XYLB: variants seen among roughly 807,000 people sequenced by gnomAD.
XYLB encodes xylulose kinase.
Under a neutral mutation model 78.7 loss-of-function variants are expected in XYLB, and 62 were observed. The observed-to-expected ratio is 0.79, with a 90% CI of 0.64 to 0.97. The LOEUF (loss-of-function observed/expected upper bound fraction) is 0.97, where lower values mean the gene tolerates loss of function less well. Ranked by LOEUF, XYLB falls within the 50% of genes least tolerant of loss-of-function variation. The pLI is 0.00. For synonymous variants in XYLB, 245 were observed against 247.4 expected, an observed-to-expected ratio of 0.99 and a Z score of 0.09; for missense variants, 687 against 676.8, an observed-to-expected ratio of 1.02 and a Z score of -0.17.
the XYLB span, among the ~76,000 whole-genome samples, chr3:38,447,460 C>T: frequency 1.3e-4 from 18 of 143,840 alleles, no homozygotes; most frequent in Non-Finnish European, 2.1e-4. Flanking sequence ...TGCACCACCA[C>T]ATCTGGCTAA....
downstream of XYLB, among the ~76,000 whole-genome samples, chr3:38,416,054 A>T (rs1708781544): frequency 1.3e-5 from 2 of 152,194 alleles, no homozygotes; most frequent in African/African-American, 4.8e-5. Flanking sequence ...CCCATGATCC[A>T]GTCACCTCTC....
rs28444308 is a variant in XYLB, at chr3:38,375,394, A to T, written c.1004+135A>T. On this transcript the variant is annotated intron_variant, in intron 12 of 18. Coordinates refer to ENST00000207870, the MANE Select transcript of XYLB (RefSeq NM_005108.4). ...CCACTTTCCCGGGCTCTGCTGGGCAACTGAGACCCCCAAGGACTCACCAGC... is the reference window on the plus strand; with the variant it reads ...CCACTTTCCCGGGCTCTGCTGGGCATCTGAGACCCCCAAGGACTCACCAGC... The T allele has an allele frequency of 8.7e-4, 663 of 761,106 alleles. 2 individuals carry two copies. In the African/African-American group the frequency reaches 0.011, roughly 12 times the overall value. 47.1% of individuals were successfully genotyped at this position (761,106 alleles called of 1,614,324 possible).
chr3:38,453,009 T>C, the XYLB span: 2 of 152,140 alleles, frequency 1.3e-5, no homozygotes, highest in Admixed American at 6.5e-5. Flanking sequence ...CCCTCCTTAG[T>C]TGGGAGCCCC....
chr3:38,427,727 G>A, the XYLB span, among the ~76,000 whole-genome samples: 3 of 151,994 alleles, frequency 2.0e-5, no homozygotes, highest in Non-Finnish European at 4.4e-5. Flanking sequence ...TGAGTAGCTG[G>A]GACTACAGGC....
intron 16 of XYLB, among the ~76,000 whole-genome samples, chr3:38,396,259 G>T (rs1707863946): frequency 6.6e-6 from 1 of 152,214 alleles, no homozygotes; most frequent in Non-Finnish European, 1.5e-5. Flanking sequence ...TCAGGGCAGT[G>T]CAGAGGAAGA....
the XYLB span, among the ~76,000 whole-genome samples, chr3:38,444,071 C>T: frequency 6.6e-6 from 1 of 152,192 alleles, no homozygotes; most frequent in Non-Finnish European, 1.5e-5. Flanking sequence ...CGGGTTGCAG[C>T]TAAAGCCACA....
the XYLB span, among the ~76,000 whole-genome samples, chr3:38,448,643 G>C: frequency 5.9e-5 from 9 of 152,164 alleles, no homozygotes; most frequent in Non-Finnish European, 1.3e-4. Flanking sequence ...CAGATTGATA[G>C]AATTTCTTTA....
At chr3:38,427,014 C>A in the XYLB span, among the ~76,000 whole-genome samples, 1 of 152,248 alleles carries the variant, frequency 6.6e-6, no homozygotes, top group Admixed American at 6.5e-5. Context: ...GCCTGTTTCT[C>A]TGCTCCTCAC....
At chr3:38,398,676 G>GCCTTCCTTCCTT (rs1214431895) in intron 17 of XYLB, among the ~76,000 whole-genome samples, 1 of 146,668 alleles carries the variant, frequency 6.8e-6, no homozygotes, top group African/African-American at 2.5e-5. Context: ...CTGCCTGCCT[G>GCCTTCCTTCCTT]CCTTCCTTCC....
chr3:38,348,646 G>A lies in XYLB; in HGVS notation c.140+14G>A. The A allele has an allele frequency of 6.2e-7, 1 of 1,613,482 alleles. No homozygotes were observed. Among genetic ancestry groups the A allele is most frequent in the South Asian group, 1.1e-5 (1 of 91,070 alleles). ...TCCAGAATTTGGGTATGTACTTGAT[G>A]TGCATGTGTGTGTGATGGGGGTGTT... is the stretch of plus-strand genomic sequence containing the variant. On this transcript the variant is annotated intron_variant, in intron 2 of 18. Coordinates refer to ENST00000207870, the MANE Select transcript of XYLB (RefSeq NM_005108.4).
chr3:38,443,434 T>G, the XYLB span, among the ~76,000 whole-genome samples: 1 of 152,228 alleles, frequency 6.6e-6, no homozygotes, highest in Admixed American at 6.5e-5. Flanking sequence ...TGGACAATCT[T>G]TTTTAAAGTG....
chr3:38,360,426 T>G lies in XYLB; in HGVS notation c.210+18T>G. ...GGGTCCAGGTAAGCGCAGGGATTCC[T>G]ATTCTCCTTCTATCCCCAGGCTGTC... On this transcript the variant is annotated intron_variant, in intron 3 of 18. Transcript: ENST00000207870. 6.4e-7 allele frequency: 1 copy of G among 1,568,910 alleles called. No individual in the cohort carries two copies. The highest frequency in any genetic ancestry group is 8.6e-7 in the Non-Finnish European group (1 of 1,156,792).
chr3:38,442,239 G>A, the XYLB span, among the ~76,000 whole-genome samples: 7 of 152,174 alleles, frequency 4.6e-5, no homozygotes, highest in East Asian at 3.8e-4. Context: ...TTGGGCCTTC[G>A]ATTTAAATGC....
chr3:38,384,672 T>A (rs1069096), intron 15 of XYLB, among the ~76,000 whole-genome samples: 135,505 of 152,124 alleles, frequency 0.89, 62,256 homozygotes, highest in South Asian at 1. Flanking sequence ...CCCCCTTCAT[T>A]TGCCTCCCAG....
intron 15 of XYLB, among the ~76,000 whole-genome samples, chr3:38,385,786 C>T (rs1037336411): frequency 6.6e-6 from 1 of 152,160 alleles, no homozygotes; most frequent in African/African-American, 2.4e-5. Context: ...CCAAGGGGCC[C>T]TGACTTCTCT....
intron 17 of XYLB, among the ~76,000 whole-genome samples, chr3:38,398,198 G>A (rs1707967200): frequency 6.6e-6 from 1 of 151,846 alleles, no homozygotes; most frequent in Non-Finnish European, 1.5e-5. Context: ...GGCCGGGTGT[G>A]GTGGCTCATG....
intron 2 of XYLB, among the ~76,000 whole-genome samples, chr3:38,357,494 C>G (rs1222025409): frequency 6.6e-6 from 1 of 151,738 alleles, no homozygotes; most frequent in Non-Finnish European, 1.5e-5. Context: ...TCATGCCATT[C>G]TCCTGTCTCA....
chr3:38,364,282 ACT>A (rs1706127959), intron 4 of XYLB, among the ~76,000 whole-genome samples: 2 of 150,046 alleles, frequency 1.3e-5, no homozygotes, highest in South Asian at 4.2e-4. Context: ...GTGACTCTTG[ACT>A]CTACCATCTC....
At chr3:38,410,294 T>A (rs1191915800) in intron 18 of XYLB, among the ~76,000 whole-genome samples, 1 of 152,234 alleles carries the variant, frequency 6.6e-6, no homozygotes, top group Non-Finnish European at 1.5e-5. Flanking sequence ...AAGGATTCCC[T>A]ATTTAATAAA....
Sources: gnomAD v4.1 joint callset for allele counts (sites outside exome capture counted in the v4.1 genomes callset) on GRCh38, gnomAD v4.1.1 for gene constraint, MANE v1.5 for transcripts, NCBI Gene and HGNC (gene_info 2026-07-23, HGNC 2026-07-21) for gene names.